Variants in BLTP1 observed in about 807,000 individuals in gnomAD.
BLTP1 encodes the protein fragile site-associated protein.
the BLTP1 span, chr4:122,224,997 A>G: frequency 9.7e-7 from 1 of 1,034,388 alleles, no homozygotes; most frequent in Non-Finnish European, 1.2e-6. Flanking sequence ...AAATTATATT[A>G]CTTGGCCCTC....
the BLTP1 span, chr4:122,211,152 T>G: frequency 2.7e-6 from 4 of 1,459,672 alleles, no homozygotes; most frequent in East Asian, 7.2e-5. Context: ...CAATTAAAAT[T>G]TAATTGAAAA....
the BLTP1 span, chr4:122,180,062 A>G: frequency 2.0e-6 from 2 of 984,318 alleles, no homozygotes; most frequent in Non-Finnish European, 2.4e-6. Flanking sequence ...ACACACACAC[A>G]CACACACACA....
At chr4:122,194,575 A>G in the BLTP1 span, 1 of 963,018 alleles carries the variant, frequency 1.0e-6, no homozygotes, top group Middle Eastern at 5.4e-4. Context: ...AAATCTCAAG[A>G]AAGGTTTATT....
the BLTP1 span, among the ~76,000 whole-genome samples, chr4:122,211,670 T>C: frequency 2.0e-5 from 3 of 152,192 alleles, no homozygotes; most frequent in Non-Finnish European, 4.4e-5. Flanking sequence ...AAGTGTTGAC[T>C]CATTTTGGTA....
chr4:122,229,043 A>T, the BLTP1 span: 1 of 1,249,206 alleles, frequency 8.0e-7, no homozygotes, highest in African/African-American at 1.5e-5. Flanking sequence ...TTTTGTGTTT[A>T]TTTAAAGAAG....
the BLTP1 span, among the ~76,000 whole-genome samples, chr4:122,338,422 C>G: frequency 6.6e-6 from 1 of 151,956 alleles, no homozygotes; most frequent in Non-Finnish European, 1.5e-5. Context: ...CTGCAGTGAG[C>G]CATAATTGTA....
chr4:122,281,970 ATGAACTCTTT>A, the BLTP1 span: 1 of 984,936 alleles, frequency 1.0e-6, no homozygotes, highest in Non-Finnish European at 1.2e-6. Context: ...AATGACCAGA[ATGAACTCTTT>A]TGAACTCCAT....
At chr4:122,290,974 T>C in the BLTP1 span, 1 of 871,162 alleles carries the variant, frequency 1.1e-6, no homozygotes, top group Non-Finnish European at 1.4e-6. Flanking sequence ...ACAAGTGTTG[T>C]GGAGTTCCTA....
the BLTP1 span, chr4:122,269,176 G>A: frequency 1.2e-5 from 6 of 511,574 alleles, no homozygotes; most frequent in Non-Finnish European, 1.3e-5. Flanking sequence ...ATATAAATAT[G>A]TTTATATGTA....
chr4:122,192,547 G>GC, the BLTP1 span: 1 of 174,018 alleles, frequency 5.7e-6, no homozygotes, highest in Non-Finnish European at 1.1e-5. Context: ...TTCTCCACAA[G>GC]CAAGTTCATT....
At chr4:122,235,028 T>C in the BLTP1 span, 1 of 1,592,874 alleles carries the variant, frequency 6.3e-7, no homozygotes, top group Non-Finnish European at 8.6e-7. Context: ...TAGATGGTAA[T>C]AAAATGTTTC....
the BLTP1 span, chr4:122,190,356 A>T: frequency 1.2e-6 from 1 of 859,396 alleles, no homozygotes; most frequent in Non-Finnish European, 1.4e-6. Context: ...TCATTCTCCC[A>T]AAGTGCTGGG....
chr4:122,207,514 C>CTTTTT, the BLTP1 span: 561 of 1,286,728 alleles, frequency 4.4e-4, 1 homozygote, highest in South Asian at 1.9e-3. Context: ...ACTTTTTCTT[C>CTTTTT]TTTTTTTTTT....
chr4:122,301,712 T>C, the BLTP1 span, among the ~76,000 whole-genome samples: 1 of 152,224 alleles, frequency 6.6e-6, no homozygotes, highest in Non-Finnish European at 1.5e-5. Flanking sequence ...AACAATTTAT[T>C]CAGCCACTCC....
the BLTP1 span, among the ~76,000 whole-genome samples, chr4:122,156,823 G>A: frequency 6.5e-4 from 99 of 152,256 alleles, no homozygotes; most frequent in Middle Eastern, 6.8e-3. Flanking sequence ...AAACTGGAAA[G>A]GATATAATAC....
chr4:122,301,075 T>A, the BLTP1 span: 2 of 893,112 alleles, frequency 2.2e-6, no homozygotes, highest in Non-Finnish European at 2.7e-6. Flanking sequence ...CAATAATATA[T>A]ACAGTGTTTT....
At chr4:122,224,693 T>C in the BLTP1 span, 8 of 1,613,962 alleles carry the variant, frequency 5.0e-6, no homozygotes, top group East Asian at 1.8e-4. Flanking sequence ...GTTTTCAGAG[T>C]ACTATCTCCT....
the BLTP1 span, chr4:122,239,933 A>G: frequency 6.2e-7 from 1 of 1,614,018 alleles, no homozygotes; most frequent in Non-Finnish European, 8.5e-7. Context: ...CGGGTAGAAA[A>G]AAGAAGAAAA....
the BLTP1 span, among the ~76,000 whole-genome samples, chr4:122,284,478 GTATC>G: frequency 6.6e-6 from 1 of 151,990 alleles, no homozygotes; most frequent in Non-Finnish European, 1.5e-5. Flanking sequence ...ACTTTGTTCT[GTATC>G]TAATGAAATG....
Sources: allele counts gnomAD v4.1 joint callset (sites outside exome capture counted in the v4.1 genomes callset), GRCh38; gene constraint gnomAD v4.1.1; transcripts MANE v1.5; gene names NCBI Gene and HGNC (gene_info 2026-07-23, HGNC 2026-07-21).